The following TLCD4 variants were observed in gnomAD, a reference collection of about 807,000 sequenced individuals.
TLCD4 encodes the protein TLC domain-containing protein 4.
In TLCD4, 7 loss-of-function variants were observed where a neutral mutation model predicts 24.2. The ratio of observed to expected loss-of-function variants is 0.29; its 90% CI spans 0.16 to 0.54. The LOEUF (loss-of-function observed/expected upper bound fraction) is 0.54, where lower values mean the gene tolerates loss of function less well. TLCD4 is among the 20% of genes least tolerant of loss of function. The pLI is 0.95. For synonymous variants in TLCD4, 103 were observed against 106.4 expected, an observed-to-expected ratio of 0.97 and a Z score of 0.20; for missense variants, 259 against 313.9, an observed-to-expected ratio of 0.82 and a Z score of 1.32.
intron 2 of TLCD4, among the ~76,000 whole-genome samples, 155 bp downstream of exon 2, chr1:95,144,211 A>C (rs1677288795): frequency 6.6e-6 from 1 of 152,232 alleles, no homozygotes; most frequent in South Asian, 2.1e-4. Context: ...AGATGATCTC[A>C]TGCAAAAAAA....
At chr1:95,140,339 C>T (rs1158377485) in intron 1 of TLCD4, among the ~76,000 whole-genome samples, 1 of 152,060 alleles carries the variant, frequency 6.6e-6, no homozygotes, top group Non-Finnish European at 1.5e-5. Flanking sequence ...ATGGCTACAG[C>T]GTCTCTAGGT....
rs576664528 is a variant in TLCD4, at chr1:95,195,737, T to C, written c.*3869T>C. The C allele has an allele frequency of 2.2e-4, 34 of 152,248 alleles. No homozygotes were observed. Among genetic ancestry groups the C allele is most frequent in the African/African-American group, 8.2e-4 (34 of 41,544 alleles). The allele number at this position is 152,248 out of a possible 1,614,324, so 9.4% of individuals were successfully genotyped here. On this transcript the variant is annotated 3_prime_UTR_variant, in exon 7 of 7. Transcript: ENST00000370203. ...AAAGTGAGTTCTGATGCAAAACACA[T>C]GTGAGGTGTGTAGGAACAATGAAAA...
Position 95,184,285 on chromosome 1 carries a change from A to G in TLCD4, c.474-7265A>G, listed in dbSNP as rs578161739. On this transcript the variant is annotated intron_variant, in intron 6 of 6. Transcript: ENST00000370203. ...GGCTCTCTCAAACTTCTGACTCTCA[A>G]CTCCTCTAAAACTCAACAAACCAGT... Among the ~76,000 whole-genome samples, 117 of 151,650 alleles carry G rather than the reference A, an allele frequency of 7.7e-4. 2 individuals are homozygous for G. The South Asian group carries it at 0.021, about 27-fold the overall frequency.
chr1:95,184,823 G>C (rs964289874), intron 6 of TLCD4, among the ~76,000 whole-genome samples: 18 of 152,104 alleles, frequency 1.2e-4, no homozygotes, highest in Non-Finnish European at 5.9e-5. Context: ...AGAAGAGGTG[G>C]ATTCCAACAA....
intron 5 of TLCD4, among the ~76,000 whole-genome samples, chr1:95,169,333 G>A (rs1678128549): frequency 6.6e-6 from 1 of 152,206 alleles, no homozygotes; most frequent in Non-Finnish European, 1.5e-5. Context: ...TCTTTGGGAA[G>A]AGGAGAGAGG....
At chr1:95,188,748 C>T (rs564577848) in intron 6 of TLCD4, among the ~76,000 whole-genome samples, 1 of 152,242 alleles carries the variant, frequency 6.6e-6, no homozygotes, top group East Asian at 1.9e-4. Flanking sequence ...CTTTCTTGCT[C>T]TCTGGCCCTA....
the TLCD4 span, among the ~76,000 whole-genome samples, chr1:95,108,379 C>A: frequency 4.4e-3 from 665 of 152,174 alleles, 5 homozygotes; most frequent in African/African-American, 0.015. Flanking sequence ...TCATGGAATG[C>A]ATTTTTTTGT....
At chr1:95,169,962 A>T (rs1263809946) in intron 5 of TLCD4, among the ~76,000 whole-genome samples, 1 of 152,228 alleles carries the variant, frequency 6.6e-6, no homozygotes, top group African/African-American at 2.4e-5. Context: ...GTATAAAAAT[A>T]AATTTTGGTA....
chr1:95,150,324 A>C, intron 4 of TLCD4, 58 bp downstream of exon 4: 1 of 1,591,936 alleles, frequency 6.3e-7, no homozygotes. Context: ...GGAATTATAC[A>C]AAGAATATAT....
chr1:95,151,417 C>T lies in TLCD4; in HGVS notation c.397C>T (p.Leu133=), dbSNP rs1359583230. 4.3e-6 allele frequency: 7 copies of T among 1,612,100 alleles called. No homozygotes were observed. Among genetic ancestry groups the T allele is most frequent in the Middle Eastern group, 3.3e-4 (2 of 6,052 alleles). ...GTCCCTGTATGCATACTACCTTGTA[C>T]TGGTGAGTTCCAGGATTTTCTGTAG... ...CASLYAYYLV[L]KNGVLAYIGN... Residue 133 remains leucine, a splice_region_variant and synonymous_variant, in exon 5 of 7, where the codon CTG becomes TTG. Coordinates refer to ENST00000370203, the MANE Select transcript of TLCD4 (RefSeq NM_152487.3).
At position 95,183,038 on chromosome 1, in the gene TLCD4, T is replaced by C. The variant is rs540764822; in HGVS notation, c.474-8512T>C. Reference sequence around the variant, plus strand: ...GAACTTGACCCAGTAGACAGTGAGATTATAGTGGAGAAAGACATTCTGGAA... The same window carrying C: ...GAACTTGACCCAGTAGACAGTGAGACTATAGTGGAGAAAGACATTCTGGAA... On this transcript the variant is annotated intron_variant, in intron 6 of 6. Coordinates refer to ENST00000370203, the MANE Select transcript of TLCD4 (RefSeq NM_152487.3). Among the ~76,000 whole-genome samples the C allele has an allele frequency of 3.9e-5, 6 of 152,154 alleles. No homozygotes were observed. The South Asian group carries it at 1.2e-3, about 32-fold the overall frequency.
chr1:95,102,704 A>G, the TLCD4 span, among the ~76,000 whole-genome samples: 1 of 152,194 alleles, frequency 6.6e-6, no homozygotes, highest in Non-Finnish European at 1.5e-5. Context: ...ATGGATTTCA[A>G]GGTAGGTAAG....
chr1:95,099,001 C>T, the TLCD4 span, among the ~76,000 whole-genome samples: 4 of 133,026 alleles, frequency 3.0e-5, no homozygotes, highest in African/African-American at 6.0e-5. Context: ...TGTGGTGAGC[C>T]GAGATCGTGC....
At chr1:95,186,486 C>T (rs986041151) in intron 6 of TLCD4, among the ~76,000 whole-genome samples, 4 of 152,036 alleles carry the variant, frequency 2.6e-5, no homozygotes, top group Non-Finnish European at 5.9e-5. Context: ...AGCGTGGAGG[C>T]TGATAGAGAG....
chr1:95,177,743 G>T (rs1402540152), intron 6 of TLCD4, among the ~76,000 whole-genome samples: 1 of 151,758 alleles, frequency 6.6e-6, no homozygotes, highest in African/African-American at 2.4e-5. Context: ...TTCTCAAGGG[G>T]GTCAGATCTC....
At chr1:95,170,373 A>G (rs1375265676) in intron 5 of TLCD4, among the ~76,000 whole-genome samples, 2 of 130,414 alleles carry the variant, frequency 1.5e-5, no homozygotes, top group African/African-American at 5.7e-5. Context: ...TCTGTCCCCC[A>G]GGCTGGAGTG....
chr1:95,148,699 C>A lies in TLCD4; in HGVS notation c.156-3C>A. 6.2e-7 allele frequency: 1 copy of A among 1,612,054 alleles called. No homozygotes were observed. Among genetic ancestry groups the A allele is most frequent in the South Asian group, 1.1e-5 (1 of 90,728 alleles). ...TCTTTGTGTGTATTTTGTTTAATTTCAGGGTAGTATCCACATGCCATTCTT... is the reference window on the plus strand; with the variant it reads ...TCTTTGTGTGTATTTTGTTTAATTTAAGGGTAGTATCCACATGCCATTCTT... On this transcript the variant is annotated splice_region_variant and splice_polypyrimidine_tract_variant and intron_variant, in intron 2 of 6. Transcript: ENST00000370203.
At chr1:95,159,984 T>C (rs1456455059) in intron 5 of TLCD4, among the ~76,000 whole-genome samples, 1 of 152,248 alleles carries the variant, frequency 6.6e-6, no homozygotes, top group Non-Finnish European at 1.5e-5. Context: ...GTCTTGGCAA[T>C]GCGGGCTCTT....
the TLCD4 span, among the ~76,000 whole-genome samples, chr1:95,110,780 C>T: frequency 2.7e-5 from 4 of 147,470 alleles, no homozygotes; most frequent in Admixed American, 1.4e-4. Context: ...GTGCATGCCT[C>T]CTACAGGTGG....
Sources: gnomAD v4.1 joint callset for allele counts (sites outside exome capture counted in the v4.1 genomes callset) on GRCh38, gnomAD v4.1.1 for gene constraint, MANE v1.5 for transcripts, NCBI Gene and HGNC (gene_info 2026-07-23, HGNC 2026-07-21) for gene names.